PCDHGA8: variants seen among roughly 807,000 people sequenced by gnomAD.
The protein encoded by PCDHGA8 is protocadherin gamma subfamily A, 8, also known as protocadherin gamma-A8.
A neutral mutation model predicts 59.2 loss-of-function variants in PCDHGA8; 45 were observed. The ratio of observed to expected loss-of-function variants is 0.76; its 90% CI spans 0.60 to 0.98. PCDHGA8 has a LOEUF of 0.98. Among genes scored for constraint, PCDHGA8 ranks in the 50% least tolerant of loss-of-function variants. The pLI is 0.00. For missense variants in PCDHGA8, 1,257 were observed against 1,196.2 expected (o/e 1.05, Z -0.75); for synonymous variants, 531 against 519.0 (o/e 1.02, Z -0.32).
chr5:141,458,512 T>TG (rs2098947554), intron 1 of PCDHGA8, among the ~76,000 whole-genome samples: 2 of 150,084 alleles, frequency 1.3e-5, no homozygotes, highest in African/African-American at 5.0e-5. Context: ...TTTGACACTT[T>TG]GTTTTTTTTT....
chr5:141,401,295 TCA>T (rs2094138879), intron 1 of PCDHGA8, among the ~76,000 whole-genome samples: 2 of 151,856 alleles, frequency 1.3e-5, no homozygotes, highest in Non-Finnish European at 2.9e-5. Flanking sequence ...TGAGCCGAGA[TCA>T]CTCCATTGCA....
At position 141,426,367 on chromosome 5, in the gene PCDHGA8, G is replaced by A. The variant is rs557191606; in HGVS notation, c.2424+31130G>A. The A allele has an allele frequency of 8.2e-4, 168 of 204,486 alleles. 3 individuals are homozygous for A. The South Asian group carries it at 0.014, about 17-fold the overall frequency. 12.7% of individuals were successfully genotyped at this position (204,486 alleles called of 1,614,324 possible). ...TTTCCTGCTGCCTTTGTTCTGCGGG[G>A]CACCCTCGGAGCAGATCCGCTACTC... is the stretch of plus-strand genomic sequence containing the variant. On this transcript the variant is annotated intron_variant, in intron 1 of 3. Transcript: ENST00000398604.
In PCDHGA8 at chr5:141,395,432, G is replaced by A. The variant is rs963118371; in HGVS notation, c.2424+195G>A. ...GTTATTGTTTCATTTGCTTTTAAAC[G>A]ACTTGGAAAAGATTGTTCAACCATT... On this transcript the variant is annotated intron_variant, in intron 1 of 3. Coordinates refer to ENST00000398604, the MANE Select transcript of PCDHGA8 (RefSeq NM_032088.2). The A allele has an allele frequency of 8.6e-6, 6 of 701,470 alleles. No homozygotes were observed. In the African/African-American group the frequency reaches 9.1e-5, roughly 11 times the overall value. The allele number at this position is 701,470 out of a possible 1,614,324, so 43.5% of individuals were successfully genotyped here. A position where few individuals can be genotyped will look rare whatever the true frequency, so the allele number is the denominator to read the frequency against.
intron 1 of PCDHGA8, chr5:141,418,458 T>C: frequency 6.2e-7 from 1 of 1,614,010 alleles, no homozygotes; most frequent in African/African-American, 1.3e-5. Context: ...CAGAAGACTC[T>C]GGACCGAGAA....
chr5:141,431,561 G>C lies in PCDHGA8; in HGVS notation c.2424+36324G>C. On this transcript the variant is annotated intron_variant, in intron 1 of 3. Transcript: ENST00000398604. The surrounding 1 kb of genome is among the most constrained non-coding windows in gnomAD (Gnocchi z 4.8). ...GCAGCTGCTTGTAGTCAACGCTACC[G>C]ACCCTGACGAAGGAGTCAATGCGGA... 6.2e-7 allele frequency: 1 copy of C among 1,614,146 alleles called. No homozygotes were observed. The highest frequency in any genetic ancestry group is 1.1e-5 in the South Asian group (1 of 91,080).
At chr5:141,414,753 T>G (rs10041534) in intron 1 of PCDHGA8, 22 of 1,614,088 alleles carry the variant, frequency 1.4e-5, no homozygotes, top group Non-Finnish European at 1.8e-5. Context: ...CCTTCGACTA[T>G]GAGCAGTTTC....
chr5:141,405,176 G>A (rs917679696), intron 1 of PCDHGA8: 3 of 1,614,068 alleles, frequency 1.9e-6, no homozygotes, highest in Non-Finnish European at 2.5e-6. Context: ...ACACTTTGTG[G>A]GTGTAGATGG....
In PCDHGA8 at chr5:141,476,327, G is replaced by A. The variant is rs2099389169; in HGVS notation, c.2425-18480G>A. The A allele has an allele frequency of 1.2e-6, 2 of 1,614,192 alleles. No individual in the cohort carries two copies. Among genetic ancestry groups the A allele is most frequent in the African/African-American group, 1.3e-5 (1 of 75,046 alleles). On this transcript the variant is annotated intron_variant, in intron 1 of 3. Transcript: ENST00000398604. The surrounding 1 kb of genome is among the most constrained non-coding windows in gnomAD (Gnocchi z 7.6). ...AGCCCGCAGGTTCCGGGTGGTGTCT[G>A]GAGCTAGCCGAAGATTCTTTGAGGT...
chr5:141,451,209 G>C (rs556588482), intron 1 of PCDHGA8, among the ~76,000 whole-genome samples: 1 of 152,266 alleles, frequency 6.6e-6, no homozygotes, highest in African/African-American at 2.4e-5. Flanking sequence ...CCAAAACTTA[G>C]TGGCTTAAAA....
At chr5:141,472,453 T>C (rs2099281194) in intron 1 of PCDHGA8, among the ~76,000 whole-genome samples, 1 of 151,726 alleles carries the variant, frequency 6.6e-6, no homozygotes, top group African/African-American at 2.4e-5. Flanking sequence ...GGCAGGAGAA[T>C]CGCTTGAACC....
At position 141,415,363 on chromosome 5, in the gene PCDHGA8, C is replaced by T. The variant is rs62378454; in HGVS notation, c.2424+20126C>T. 7,186 of 1,614,240 alleles carry T rather than the reference C, an allele frequency of 4.5e-3. 30 individuals carry two copies. Among genetic ancestry groups the T allele is most frequent in the South Asian group, 5.6e-3 (509 of 91,092 alleles). Reference sequence around the variant, plus strand: ...GCGCTGGCACAAGTCACGCCTGCTGCAGGCTTCAGGAGGCGGCTTGACAGG... The same window carrying T: ...GCGCTGGCACAAGTCACGCCTGCTGTAGGCTTCAGGAGGCGGCTTGACAGG... On this transcript the variant is annotated intron_variant, in intron 1 of 3. Transcript: ENST00000398604.
intron 3 of PCDHGA8, among the ~76,000 whole-genome samples, chr5:141,506,799 A>G (rs1026030023): frequency 5.3e-5 from 8 of 152,198 alleles, no homozygotes; most frequent in Admixed American, 3.9e-4. Flanking sequence ...CTGGCAGAGG[A>G]TCAAGGCATT....
At chr5:141,408,504 G>C (rs752297449) in intron 1 of PCDHGA8, 2 of 1,613,936 alleles carry the variant, frequency 1.2e-6, no homozygotes, top group Non-Finnish European at 1.7e-6. Context: ...GAGAGAAGAA[G>C]ATGTGAGTTG....
chr5:141,412,952 T>C, intron 1 of PCDHGA8: 1 of 482,218 alleles, frequency 2.1e-6, no homozygotes, highest in Non-Finnish European at 3.6e-6. Context: ...AGCGCCGCTG[T>C]TCACCTACTA....
rs201022238 is a variant in PCDHGA8 at position 141,415,678 on chromosome 5, G to A, written c.2424+20441G>A. 470 of 1,555,406 alleles carry A rather than the reference G, an allele frequency of 3.0e-4. 2 individuals carry two copies. In the African/African-American group the frequency reaches 5.9e-3, roughly 20 times the overall value. ...GATTGGTTTTTACTTTGAAGTTTGC[G>A]GCATGATGGTGGAAAGTGTAAATGC... On this transcript the variant is annotated intron_variant, in intron 1 of 3. Coordinates refer to ENST00000398604, the MANE Select transcript of PCDHGA8 (RefSeq NM_032088.2).
chr5:141,422,546 G>T, intron 1 of PCDHGA8: 2 of 1,613,972 alleles, frequency 1.2e-6, no homozygotes, highest in South Asian at 2.2e-5. Flanking sequence ...ACTCATGTCT[G>T]GCTGAATGTG....
chr5:141,400,491 T>A, intron 1 of PCDHGA8: 1 of 1,614,080 alleles, frequency 6.2e-7, no homozygotes, highest in Non-Finnish European at 8.5e-7. Flanking sequence ...TTCCACTTTG[T>A]AATTCCAGCG....
intron 1 of PCDHGA8, among the ~76,000 whole-genome samples, chr5:141,429,664 ATTATT>A (rs2097234085): frequency 6.6e-6 from 1 of 152,214 alleles, no homozygotes; most frequent in Non-Finnish European, 1.5e-5. Context: ...TTTAAAATAT[ATTATT>A]TTATTTTATG....
chr5:141,469,880 C>T (rs774827232), intron 1 of PCDHGA8, among the ~76,000 whole-genome samples: 7 of 152,210 alleles, frequency 4.6e-5, no homozygotes, highest in East Asian at 1.9e-4. Flanking sequence ...CCTGTAATCT[C>T]GGCACTTTGG....
Sources: gnomAD v4.1 joint callset for allele counts (sites outside exome capture counted in the v4.1 genomes callset) on GRCh38, gnomAD v4.1.1 for gene constraint, Gnocchi (gnomAD v3.1) non-coding constraint, MANE v1.5 for transcripts, NCBI Gene and HGNC (gene_info 2026-07-23, HGNC 2026-07-21) for gene names.